Variants in CRIM1 observed in about 807,000 individuals in gnomAD.
CRIM1 encodes the protein cysteine-rich motor neuron 1 protein.
Under a neutral mutation model 116.4 loss-of-function variants are expected in CRIM1, and 32 were observed. The ratio of observed to expected loss-of-function variants is 0.27; its 90% CI spans 0.21 to 0.37. The LOEUF is 0.37. CRIM1 is among the 10% of genes least tolerant of loss of function. The probability of loss-of-function intolerance (pLI) is 1.00; values close to 1 mark genes in which losing one functional copy is unlikely to be tolerated. For missense variants in CRIM1, 1,331 were observed against 1,354.8 expected, an observed-to-expected ratio of 0.98 and a Z score of 0.28; for synonymous variants, 590 against 509.2, an observed-to-expected ratio of 1.16 and a Z score of -2.13.
At chr2:36,390,025 A>G (rs1250704705) in intron 1 of CRIM1, among the ~76,000 whole-genome samples, 2 of 152,142 alleles carry the variant, frequency 1.3e-5, no homozygotes, top group Non-Finnish European at 2.9e-5. Context: ...CAGGATGGAA[A>G]CTTCTCTCCA....
chr2:36,522,696 G>A (rs1023145838), intron 13 of CRIM1, among the ~76,000 whole-genome samples: 21 of 151,642 alleles, frequency 1.4e-4, no homozygotes, highest in South Asian at 4.2e-4. Context: ...CAGCTACTCC[G>A]GAGGCTGAGG....
intron 2 of CRIM1, among the ~76,000 whole-genome samples, chr2:36,416,422 C>G (rs1256642779): frequency 6.6e-6 from 1 of 152,064 alleles, no homozygotes; most frequent in Non-Finnish European, 1.5e-5. Flanking sequence ...ACTAGAATGA[C>G]CGGTTCCTTG....
chr2:36,452,400 A>T (rs1242132688), intron 4 of CRIM1, among the ~76,000 whole-genome samples: 1 of 152,202 alleles, frequency 6.6e-6, no homozygotes, highest in Non-Finnish European at 1.5e-5. Context: ...AGAAAAGAAC[A>T]TCTATTCTGT....
rs1025794807 is a variant in CRIM1 at position 36,537,371 on chromosome 2, G to A, written c.2448G>A (p.Lys816=). 1.9e-6 allele frequency: 3 copies of A among 1,614,090 alleles called. No individual in the cohort carries two copies. Among genetic ancestry groups the A allele is most frequent in the African/African-American group, 1.3e-5 (1 of 74,944 alleles). Reference sequence around the variant, plus strand: ...CACTAGAAGACACAATTCCAAAGAAGGTGGTGTGCCACTTCAGTGGGAAGG... The same window carrying A: ...CACTAGAAGACACAATTCCAAAGAAAGTGGTGTGCCACTTCAGTGGGAAGG... The part of the protein sequence containing the change: ...PYCIEDTIPK[K]VVCHFSGKAY... The change falls in exon 14 of 17, where the codon AAG becomes AAA. Residue 816 remains lysine, a synonymous_variant. Transcript: ENST00000280527.
intron 4 of CRIM1, among the ~76,000 whole-genome samples, chr2:36,460,342 A>G (rs987484481): frequency 3.3e-5 from 5 of 152,226 alleles, no homozygotes; most frequent in Non-Finnish European, 7.3e-5. Flanking sequence ...GCAAGTCCAT[A>G]GAGACAGAAC....
intron 4 of CRIM1, among the ~76,000 whole-genome samples, chr2:36,461,543 G>A (rs1677581002): frequency 6.6e-6 from 1 of 152,150 alleles, no homozygotes; most frequent in Non-Finnish European, 1.5e-5. Context: ...TTTAAAATCA[G>A]GTCACTTGAC....
At chr2:36,469,385 C>T (rs1376711280) in intron 5 of CRIM1, among the ~76,000 whole-genome samples, 1 of 152,212 alleles carries the variant, frequency 6.6e-6, no homozygotes, top group African/African-American at 2.4e-5. Context: ...CTGCTTCTCA[C>T]AGCAGTATTA....
At chr2:36,362,425 T>C (rs1234598809) in intron 1 of CRIM1, among the ~76,000 whole-genome samples, 1 of 152,200 alleles carries the variant, frequency 6.6e-6, no homozygotes, top group Non-Finnish European at 1.5e-5. Flanking sequence ...GGTCTCAGTG[T>C]TTCTCAACAT....
chr2:36,537,071 A>C lies in CRIM1; in HGVS notation c.2429-281A>C, dbSNP rs545216570. Among the ~76,000 whole-genome samples the C allele has an allele frequency of 7.2e-5, 11 of 152,200 alleles. No homozygotes were observed. The South Asian group carries it at 1.7e-3, about 23-fold the overall frequency. ...AGCTGGACTTTTTATCAATCTCTTT[A>C]TCTCTTTCTAGATGACAGTCTAAGG... On this transcript the variant is annotated intron_variant, in intron 13 of 16. Transcript: ENST00000280527.
At chr2:36,473,601 T>C (rs1428241743) in intron 5 of CRIM1, among the ~76,000 whole-genome samples, 1 of 152,176 alleles carries the variant, frequency 6.6e-6, no homozygotes, top group Non-Finnish European at 1.5e-5. Context: ...GTGTTTCATA[T>C]AAGTAGAGTT....
intron 4 of CRIM1, among the ~76,000 whole-genome samples, chr2:36,450,734 A>T (rs1389648169): frequency 6.6e-6 from 1 of 152,222 alleles, no homozygotes; most frequent in Non-Finnish European, 1.5e-5. Context: ...ACAGCCCATG[A>T]CCAGAGCGAA....
At chr2:36,534,167 G>A (rs1666323079) in intron 13 of CRIM1, among the ~76,000 whole-genome samples, 1 of 139,398 alleles carries the variant, frequency 7.2e-6, no homozygotes, top group South Asian at 2.5e-4. Context: ...GAAGAAGGAA[G>A]GAAGGAAGGA....
intron 5 of CRIM1, among the ~76,000 whole-genome samples, chr2:36,470,914 G>T (rs1678455067): frequency 6.6e-6 from 1 of 152,214 alleles, no homozygotes; most frequent in Non-Finnish European, 1.5e-5. Context: ...GAACACAGGT[G>T]ATTCAGGGGA....
chr2:36,540,934 T>G (rs1666902880), intron 14 of CRIM1, among the ~76,000 whole-genome samples: 1 of 152,230 alleles, frequency 6.6e-6, no homozygotes, highest in Non-Finnish European at 1.5e-5. Context: ...TCATTAGAGA[T>G]TTCTCCAGTG....
chr2:36,535,537 A>G (rs1666486108), intron 13 of CRIM1, among the ~76,000 whole-genome samples: 1 of 152,222 alleles, frequency 6.6e-6, no homozygotes, highest in Non-Finnish European at 1.5e-5. Flanking sequence ...AGAACTTTCC[A>G]TGATTACTTA....
intron 8 of CRIM1, among the ~76,000 whole-genome samples, chr2:36,504,502 TA>T (rs1681245118): frequency 1.3e-5 from 2 of 152,346 alleles, no homozygotes; most frequent in Non-Finnish European, 1.5e-5. Flanking sequence ...CATTTGAACA[TA>T]ACGTAATTTG....
chr2:36,493,703 A>G (rs957640952), intron 7 of CRIM1, among the ~76,000 whole-genome samples: 4 of 152,230 alleles, frequency 2.6e-5, no homozygotes, highest in African/African-American at 9.6e-5. Flanking sequence ...ATAGTAATCT[A>G]TCTAAGAACC....
At chr2:36,381,189 G>T (rs1478772409) in intron 1 of CRIM1, among the ~76,000 whole-genome samples, 1 of 152,230 alleles carries the variant, frequency 6.6e-6, no homozygotes, top group Non-Finnish European at 1.5e-5. Flanking sequence ...TCTGACCCCT[G>T]GCAGTTGAGT....
At chr2:36,395,861 A>G (rs1671988110) in intron 1 of CRIM1, among the ~76,000 whole-genome samples, 1 of 152,176 alleles carries the variant, frequency 6.6e-6, no homozygotes, top group Non-Finnish European at 1.5e-5. Flanking sequence ...GATGTTGATT[A>G]TTAGCTGCCT....
Sources: allele counts gnomAD v4.1 joint callset (sites outside exome capture counted in the v4.1 genomes callset), GRCh38; gene constraint gnomAD v4.1.1; transcripts MANE v1.5; gene names NCBI Gene and HGNC (gene_info 2026-07-23, HGNC 2026-07-21).